Variants in ALDH1L1 observed in about 807,000 individuals in gnomAD.
ALDH1L1 encodes the protein aldehyde dehydrogenase 1 family member L1.
Under a neutral mutation model 101.1 loss-of-function variants are expected in ALDH1L1, and 68 were observed. The ratio of observed to expected loss-of-function variants is 0.67; its 90% confidence interval spans 0.55 to 0.82. ALDH1L1 has a LOEUF of 0.82. Ranked by LOEUF, ALDH1L1 falls within the 40% of genes least tolerant of loss-of-function variation. The pLI, the probability that ALDH1L1 is intolerant of heterozygous loss-of-function variation, is 0.00. For missense variants in ALDH1L1, 1,087 were observed against 1,172.7 expected (o/e 0.93, Z 1.07); for synonymous variants, 486 against 470.8 (o/e 1.03, Z -0.42).
upstream of ALDH1L1, chr3:126,181,351 C>T (rs2108348363): frequency 2.8e-6 from 1 of 352,682 alleles, no homozygotes; most frequent in East Asian, 6.3e-5. Context: ...CGCACTGCTC[C>T]GTGCCCTGCT....
chr3:126,120,023 C>G (rs900198335), intron 16 of ALDH1L1, among the ~76,000 whole-genome samples: 3 of 152,252 alleles, frequency 2.0e-5, no homozygotes, highest in Non-Finnish European at 4.4e-5. Context: ...TCAGTCATTG[C>G]TGCGGGAACG....
At chr3:126,140,170 G>A (rs1056456099) in intron 9 of ALDH1L1, among the ~76,000 whole-genome samples, 9 of 152,192 alleles carry the variant, frequency 5.9e-5, no homozygotes, top group Admixed American at 4.6e-4. Flanking sequence ...AGAGAGAAAT[G>A]GCTTGTTATA....
chr3:126,178,631 T>G (rs1421463353), intron 1 of ALDH1L1, among the ~76,000 whole-genome samples: 1 of 152,086 alleles, frequency 6.6e-6, no homozygotes, highest in African/African-American at 2.4e-5. Flanking sequence ...AAATCAAATA[T>G]AAGAAGAAAA....
chr3:126,105,797 T>C lies in ALDH1L1; in HGVS notation c.2582A>G (p.Asn861Ser), dbSNP rs1369861143. The C allele has an allele frequency of 1.2e-6, 2 of 1,614,210 alleles. No individual in the cohort carries two copies. The highest frequency in any genetic ancestry group is 2.2e-5 in the East Asian group (1 of 44,882). Residue 861 changes from asparagine to serine, a missense_variant, in exon 22 of 23, where the codon AAC (asparagine) becomes AGC (serine). Asn to Ser is a conservative substitution (Grantham distance 46, BLOSUM62 1). Transcript: ENST00000393434. Reference sequence around the variant, plus strand: ...GGCCACGTCGGTCTTGTTGTACGTGTTGACAAACACAGTGCCTGCCTGGAG... The same window carrying C: ...GGCCACGTCGGTCTTGTTGTACGTGCTGACAAACACAGTGCCTGCCTGGAG... The part of the protein sequence containing the change: ...DKLQAGTVFV[N>S]TYNKTDVAAP...
In ALDH1L1 at chr3:126,104,136, G is replaced by A. The variant is rs149222279; in HGVS notation, c.2654-290C>T. On this transcript the variant is annotated intron_variant, in intron 22 of 22. Transcript: ENST00000393434. ...AGTGGGAAGCCCCTTCAGGTGGAAG[G>A]GGGTGGAGAGACTTGGCGTTACTGC... 8 of 503,194 alleles carry A rather than the reference G, an allele frequency of 1.6e-5. No homozygotes were observed. The Middle Eastern group carries it at 1.6e-3, about 101-fold the overall frequency. 31.2% of individuals were successfully genotyped at this position (503,194 alleles called of 1,614,324 possible).
chr3:126,142,639 AT>A (rs1312686767), intron 9 of ALDH1L1, among the ~76,000 whole-genome samples: 5 of 152,246 alleles, frequency 3.3e-5, no homozygotes. Context: ...ACAAAATTCA[AT>A]ATCCTTTCAT....
intron 16 of ALDH1L1, among the ~76,000 whole-genome samples, chr3:126,118,853 C>T (rs887335236): frequency 6.6e-6 from 1 of 152,078 alleles, no homozygotes; most frequent in Non-Finnish European, 1.5e-5. Flanking sequence ...ATTCCTGCCC[C>T]GTCCCACGCC....
At chr3:126,138,038 G>A in intron 9 of ALDH1L1, 78 bp from the exon 10 acceptor site, 1 of 1,562,104 alleles carries the variant, frequency 6.4e-7, no homozygotes, top group Non-Finnish European at 8.7e-7. Flanking sequence ...TGGCAGTGGG[G>A]CCAAACACCC....
intron 4 of ALDH1L1, chr3:126,156,073 G>A (rs1480764543): frequency 2.0e-5 from 3 of 152,580 alleles, no homozygotes; most frequent in Non-Finnish European, 2.9e-5. Flanking sequence ...TCTGAGGCAG[G>A]GCTGCCCAAT....
chr3:126,177,381 G>A (rs1237658284), intron 1 of ALDH1L1, among the ~76,000 whole-genome samples: 1 of 152,190 alleles, frequency 6.6e-6, no homozygotes, highest in Middle Eastern at 3.2e-3. Context: ...ATGATAAAAA[G>A]AAATGGGTTA....
intron 1 of ALDH1L1, among the ~76,000 whole-genome samples, chr3:126,176,479 G>A (rs547701907): frequency 6.6e-6 from 1 of 152,304 alleles, no homozygotes; most frequent in East Asian, 1.9e-4. Flanking sequence ...CAAAAGAATA[G>A]TCAGATAGAT....
At chr3:126,137,753 C>A in intron 10 of ALDH1L1, 60 bp downstream of exon 10, 1 of 1,579,676 alleles carries the variant, frequency 6.3e-7, no homozygotes, top group Non-Finnish European at 8.6e-7. Flanking sequence ...CTTATGTAGT[C>A]ATAGATGCAG....
In ALDH1L1 at chr3:126,112,878, C is replaced by T. The variant is rs746109086; in HGVS notation, c.2085G>A (p.Gly695=). 1 of 1,613,098 alleles carries T rather than the reference C, an allele frequency of 6.2e-7. No individual in the cohort carries two copies. Among genetic ancestry groups the T allele is most frequent in the Admixed American group, 1.7e-5 (1 of 60,034 alleles). The change falls in exon 19 of 23, where the codon GGG becomes GGA. Residue 695 remains glycine (G), a splice_region_variant and synonymous_variant. Transcript: ENST00000393434. Reference sequence around the variant, plus strand: ...CTTTGTTGAAGAAAACAGAACTCATCCCCTTCAGAGAATGGACAAGAACAC... The same window carrying T: ...CTTTGTTGAAGAAAACAGAACTCATTCCCTTCAGAGAATGGACAAGAACAC... ...DCDLNKAVQM[G]MSSVFFNKGE...
intron 9 of ALDH1L1, among the ~76,000 whole-genome samples, chr3:126,142,856 G>C (rs932800831): frequency 6.6e-6 from 1 of 152,270 alleles, no homozygotes; most frequent in East Asian, 1.9e-4. Flanking sequence ...CAGGGTCGGG[G>C]GTTGGGGTTG....
At chr3:126,192,791 A>T (rs1001182694) in intron 1 of ALDH1L1, among the ~76,000 whole-genome samples, 2 of 152,254 alleles carry the variant, frequency 1.3e-5, no homozygotes, top group Non-Finnish European at 2.9e-5. Context: ...GAAAAACTTC[A>T]GCTGAATTAA....
At chr3:126,177,327 A>G (rs1198796506) in intron 1 of ALDH1L1, among the ~76,000 whole-genome samples, 3 of 152,264 alleles carry the variant, frequency 2.0e-5, no homozygotes, top group Non-Finnish European at 4.4e-5. Context: ...GAATGGAGAA[A>G]TAAACTGTGG....
rs748153094 is a variant in ALDH1L1, at chr3:126,103,840, G to A, written c.2660C>T (p.Ala887Val). Residue 887 changes from alanine to valine, a missense_variant, in exon 23 of 23, where the codon GCG (alanine) becomes GTG (valine). Transcript: ENST00000393434. ...GACCCGCAGGTACTCGTTCAGAGCC[G>A]CCTCTCCTGTAAGACACCACAAAGG... ...QSGFGKDLGE[A>V]ALNEYLRVKT... is the part of the protein sequence containing the mutation. The A allele has an allele frequency of 3.1e-6, 5 of 1,613,270 alleles. No individual in the cohort carries two copies. The highest frequency in any genetic ancestry group is 1.1e-5 in the South Asian group (1 of 90,868).
At chr3:126,130,794 C>A (rs2080285461) in intron 13 of ALDH1L1, among the ~76,000 whole-genome samples, 1 of 152,208 alleles carries the variant, frequency 6.6e-6, no homozygotes, top group Non-Finnish European at 1.5e-5. Context: ...GTGGACCTCC[C>A]CAGGGAGCCT....
intron 16 of ALDH1L1, among the ~76,000 whole-genome samples, chr3:126,118,975 C>T (rs75724667): frequency 1.5e-3 from 235 of 152,306 alleles, no homozygotes; most frequent in African/African-American, 5.1e-3. Context: ...GGCTCCCTGA[C>T]GCTGCCTCCT....
Sources: allele counts gnomAD v4.1 joint callset (sites outside exome capture counted in the v4.1 genomes callset), GRCh38; gene constraint gnomAD v4.1.1; transcripts MANE v1.5; gene names NCBI Gene and HGNC (gene_info 2026-07-23, HGNC 2026-07-21).